The following UBE3D variants were observed in gnomAD, a reference collection of about 807,000 sequenced individuals.
UBE3D encodes the protein ubiquitin protein ligase E3D, also known as E3 ubiquitin-protein ligase E3D.
A neutral mutation model predicts 49.6 loss-of-function variants in UBE3D; 48 were observed. The observed-to-expected ratio is 0.97, with a 90% CI of 0.77 to 1.23. The LOEUF is 1.23. Ranked by LOEUF, UBE3D falls within the 50% of genes most tolerant of loss-of-function variation. The pLI is 0.00. For synonymous variants in UBE3D, 189 were observed against 174.2 expected (o/e 1.08, Z -0.67); for missense variants, 452 against 468.4 (o/e 0.96, Z 0.32).
At chr6:82,947,781 A>C (rs1775513822) in intron 9 of UBE3D, among the ~76,000 whole-genome samples, 1 of 152,092 alleles carries the variant, frequency 6.6e-6, no homozygotes, top group African/African-American at 2.4e-5. Flanking sequence ...GGGTCAATGA[A>C]GTCATTAAAA....
intron 8 of UBE3D, among the ~76,000 whole-genome samples, chr6:82,996,761 A>G (rs1779268377): frequency 2.6e-5 from 4 of 152,234 alleles, no homozygotes; most frequent in Admixed American, 1.3e-4. Flanking sequence ...ATACTACAAA[A>G]TGCCTAACCA....
At chr6:82,935,106 A>C (rs905531662) in intron 9 of UBE3D, among the ~76,000 whole-genome samples, 1 of 150,750 alleles carries the variant, frequency 6.6e-6, no homozygotes, top group Non-Finnish European at 1.5e-5. Context: ...ATGGTTCTGC[A>C]GGCTTTATAG....
chr6:83,039,773 AGCTGGGATT>A (rs1412681419), intron 4 of UBE3D, among the ~76,000 whole-genome samples: 3 of 151,994 alleles, frequency 2.0e-5, no homozygotes, highest in African/African-American at 2.4e-5. Flanking sequence ...CCTCCCTAGT[AGCTGGGATT>A]ACAGGCACCT....
At chr6:82,984,885 C>A (rs1234963070) in intron 8 of UBE3D, among the ~76,000 whole-genome samples, 1 of 151,798 alleles carries the variant, frequency 6.6e-6, no homozygotes, top group Admixed American at 6.6e-5. Context: ...ATTATGGCTC[C>A]CTAAAGCCTT....
intron 9 of UBE3D, among the ~76,000 whole-genome samples, chr6:82,905,570 C>G (rs2127720971): frequency 6.6e-6 from 1 of 152,234 alleles, no homozygotes; most frequent in East Asian, 1.9e-4. Context: ...ACAGTGGCCT[C>G]TAAATGTTCA....
chr6:82,999,239 C>G (rs994544794), intron 8 of UBE3D, among the ~76,000 whole-genome samples: 2 of 152,166 alleles, frequency 1.3e-5, no homozygotes, highest in Admixed American at 6.5e-5. Context: ...TGTCCTGTTA[C>G]AAAAGGAGAG....
chr6:83,059,233 T>A (rs1401847040), intron 1 of UBE3D, among the ~76,000 whole-genome samples: 1 of 151,552 alleles, frequency 6.6e-6, no homozygotes, highest in Non-Finnish European at 1.5e-5. Context: ...AAATAAAAAA[T>A]AAAAAATCAG....
At chr6:82,926,086 G>A (rs894341001) in intron 9 of UBE3D, among the ~76,000 whole-genome samples, 9 of 152,044 alleles carry the variant, frequency 5.9e-5, no homozygotes, top group African/African-American at 1.9e-4. Context: ...ATTTCCTAAA[G>A]AAGGAAACCC....
chr6:82,887,925 T>C (rs1770918353), downstream of UBE3D, among the ~76,000 whole-genome samples: 1 of 152,120 alleles, frequency 6.6e-6, no homozygotes, highest in Admixed American at 6.5e-5. Context: ...CTGGCATTTC[T>C]GGCTCTTCTT....
chr6:82,930,367 C>T (rs1378976429), intron 9 of UBE3D, among the ~76,000 whole-genome samples: 1 of 152,114 alleles, frequency 6.6e-6, no homozygotes, highest in Non-Finnish European at 1.5e-5. Flanking sequence ...TAGTGAGGCG[C>T]TGCTGTAAAG....
intron 9 of UBE3D, among the ~76,000 whole-genome samples, chr6:82,907,101 G>A (rs1169780118): frequency 6.6e-6 from 1 of 152,128 alleles, no homozygotes; most frequent in African/African-American, 2.4e-5. Flanking sequence ...AGAAATAACT[G>A]CTTCCAGAAA....
intron 8 of UBE3D, among the ~76,000 whole-genome samples, chr6:82,971,077 G>A (rs755292200): frequency 1.3e-5 from 2 of 152,052 alleles, no homozygotes; most frequent in African/African-American, 2.4e-5. Context: ...ATGGACCCCT[G>A]AGTAAGGATC....
chr6:82,981,081 A>G (rs1778087279), intron 8 of UBE3D, among the ~76,000 whole-genome samples: 2 of 152,112 alleles, frequency 1.3e-5, no homozygotes, highest in Admixed American at 6.6e-5. Context: ...AGTACCTTAT[A>G]TGTTATCCAA....
rs70987727 is a variant in UBE3D, at chr6:82,985,008, C to CTTTTTT, written c.1011-27564_1011-27559dup. On this transcript the variant is annotated intron_variant, in intron 8 of 9. Coordinates refer to ENST00000369747, the MANE Select transcript of UBE3D (RefSeq NM_198920.3). ...AATTTTTTTCTTTCTTCTTCTTCTT[C>CTTTTTT]TTTTTTTTTTTTTTTTTTTTTTTTG... is the stretch of plus-strand genomic sequence containing the variant. Among the ~76,000 whole-genome samples the CTTTTTT allele has an allele frequency of 5.1e-3, 272 of 52,898 alleles. 3 individuals are homozygous for CTTTTTT. Among genetic ancestry groups the CTTTTTT allele is most frequent in the East Asian group, 7.4e-3 (11 of 1,486 alleles). 34.7% of individuals were successfully genotyped at this position (52,898 alleles called of 152,430 possible). A position where few individuals can be genotyped will look rare whatever the true frequency, so the allele number is the denominator to read the frequency against.
At chr6:83,005,999 T>C (rs1411023652) in intron 8 of UBE3D, among the ~76,000 whole-genome samples, 3 of 151,830 alleles carry the variant, frequency 2.0e-5, no homozygotes, top group Non-Finnish European at 4.4e-5. Flanking sequence ...CTGAGATGGG[T>C]GTATCACTTG....
At chr6:83,000,276 T>C (rs1295238417) in intron 8 of UBE3D, among the ~76,000 whole-genome samples, 2 of 152,224 alleles carry the variant, frequency 1.3e-5, no homozygotes, top group Non-Finnish European at 2.9e-5. Flanking sequence ...TGCTATTCTC[T>C]CTTGAACAAC....
rs1029337849 is a variant in UBE3D, at chr6:82,974,927, C to T, written c.1011-17477G>A. Among the ~76,000 whole-genome samples, 7 of 151,878 alleles carry T rather than the reference C, an allele frequency of 4.6e-5. No homozygotes were observed. In the East Asian group the frequency reaches 9.7e-4, roughly 21 times the overall value. On this transcript the variant is annotated intron_variant, in intron 8 of 9. Coordinates refer to ENST00000369747, the MANE Select transcript of UBE3D (RefSeq NM_198920.3). The stretch of plus-strand genomic sequence containing the variant: ...GCTTATAATTATCAGCCTAGGGTAG[C>T]CTAGGGTATAGGAAGAAAGCACAAT...
Position 83,057,812 on chromosome 6 carries a change from C to T in UBE3D, c.274+14G>A. 2.5e-6 allele frequency: 4 copies of T among 1,612,318 alleles called. No individual in the cohort carries two copies. Among genetic ancestry groups the T allele is most frequent in the Non-Finnish European group, 3.4e-6 (4 of 1,178,656 alleles). On this transcript the variant is annotated intron_variant, in intron 2 of 9. Transcript: ENST00000369747. ...AAAGGTAAATACAGCAGCAGAAGTG[C>T]TAATATTACTCACTTGTGCCTAATT...
At chr6:83,027,786 T>A (rs1301413409) in intron 5 of UBE3D, among the ~76,000 whole-genome samples, 3 of 152,218 alleles carry the variant, frequency 2.0e-5, no homozygotes, top group African/African-American at 7.2e-5. Flanking sequence ...ATTCACTGGG[T>A]CCCTTGAATC....
Sources: allele counts gnomAD v4.1 joint callset (sites outside exome capture counted in the v4.1 genomes callset), GRCh38; gene constraint gnomAD v4.1.1; transcripts MANE v1.5; gene names NCBI Gene and HGNC (gene_info 2026-07-23, HGNC 2026-07-21).